SIAH1: variants seen among roughly 807,000 people sequenced by gnomAD.
SIAH1 encodes the protein siah E3 ubiquitin protein ligase 1.
In SIAH1, 2 loss-of-function variants were observed where a neutral mutation model predicts 20.0. That is an observed-to-expected ratio of 0.10 (90% CI 0.04 to 0.31). SIAH1 has a LOEUF of 0.31. Ranked by LOEUF, SIAH1 falls within the 10% of genes least tolerant of loss-of-function variation. The probability of loss-of-function intolerance (pLI) is 1.00; values close to 1 mark genes in which losing one functional copy is unlikely to be tolerated. For synonymous variants in SIAH1, 118 were observed against 125.3 expected, an observed-to-expected ratio of 0.94 and a Z score of 0.39; for missense variants, 119 against 355.3, an observed-to-expected ratio of 0.33 and a Z score of 5.35.
At chr16:48,383,882 T>C (rs1170198616) in intron 1 of SIAH1, among the ~76,000 whole-genome samples, 1 of 152,216 alleles carries the variant, frequency 6.6e-6, no homozygotes, top group Non-Finnish European at 1.5e-5. Flanking sequence ...ACCTCGTAAG[T>C]TTAGCTATTA....
chr16:48,386,001 G>C (rs1961455126), upstream of SIAH1, among the ~76,000 whole-genome samples: 1 of 152,204 alleles, frequency 6.6e-6, no homozygotes. Flanking sequence ...AGCTTCAAAA[G>C]CTTGTTTCAG....
At chr16:48,365,880 G>A (rs1442400863) in intron 1 of SIAH1, 6 of 1,239,864 alleles carry the variant, frequency 4.8e-6, no homozygotes, top group Non-Finnish European at 1.0e-6. Flanking sequence ...CAGCTCAAGA[G>A]TTACTGCAGG....
intron 1 of SIAH1, among the ~76,000 whole-genome samples, chr16:48,368,511 C>T (rs982466267): frequency 2.2e-4 from 34 of 152,196 alleles, no homozygotes; most frequent in African/African-American, 8.0e-4. Flanking sequence ...TCCTGGCCAA[C>T]ATGGTGATAC....
intron 1 of SIAH1, among the ~76,000 whole-genome samples, chr16:48,379,127 A>G (rs552753669): frequency 2.2e-4 from 34 of 152,320 alleles, no homozygotes; most frequent in African/African-American, 7.9e-4. Context: ...TTAAAGTCAC[A>G]AACACAACTA....
intron 1 of SIAH1, chr16:48,365,219 G>C (rs777015739): frequency 1.3e-5 from 9 of 685,384 alleles, no homozygotes; most frequent in Non-Finnish European, 1.9e-5. Flanking sequence ...GACGTAACCT[G>C]AAGTTTGATT....
chr16:48,383,658 T>TA lies in SIAH1; in HGVS notation c.-3+1545dup, dbSNP rs535824667. 1.3e-4 allele frequency among the ~76,000 whole-genome samples: 20 copies of TA among 152,376 alleles called. No individual in the cohort carries two copies. The East Asian group carries it at 3.7e-3, about 28-fold the overall frequency. On this transcript the variant is annotated intron_variant, in intron 1 of 1. Coordinates refer to ENST00000394725, the MANE Select transcript of SIAH1 (RefSeq NM_003031.4). ...TCATTTTAATCAATTTGATTTTTTT[T>TA]AATCACAAAGATATAGCCATTCAAA...
Position 48,361,336 on chromosome 16 carries a change from A to G in SIAH1, c.*244T>C. Reference sequence around the variant, plus strand: ...TTACAATGCTTCCTTTCTTAATACAAAAGATGCCCATCTTGGGTGTATATA... The same window carrying G: ...TTACAATGCTTCCTTTCTTAATACAGAAGATGCCCATCTTGGGTGTATATA... On this transcript the variant is annotated 3_prime_UTR_variant, in exon 2 of 2. Coordinates refer to ENST00000394725, the MANE Select transcript of SIAH1 (RefSeq NM_003031.4). 2 of 416,246 alleles carry G rather than the reference A, an allele frequency of 4.8e-6. No homozygotes were observed. The highest frequency in any genetic ancestry group is 8.7e-6 in the Non-Finnish European group (2 of 229,956). The allele number at this position is 416,246 out of a possible 1,614,324, so 25.8% of individuals were successfully genotyped here. A position where few individuals can be genotyped will look rare whatever the true frequency, so the allele number is the denominator to read the frequency against.
In SIAH1 at chr16:48,361,552, A is replaced by G. The variant is rs1414084287; in HGVS notation, c.*28T>C. 1.9e-6 allele frequency: 3 copies of G among 1,605,040 alleles called. No individual in the cohort carries two copies. The African/African-American group carries it at 4.0e-5, about 21-fold the overall frequency. ...TTTCTGTGAAACTGAAGTTTTAAAC[A>G]CTGGCCAGAAAATGTTTGATTGCCA... is the stretch of plus-strand genomic sequence containing the variant. On this transcript the variant is annotated 3_prime_UTR_variant, in exon 2 of 2. Transcript: ENST00000394725.
At chr16:48,365,861 T>C in intron 1 of SIAH1, 1 of 1,248,604 alleles carries the variant, frequency 8.0e-7, no homozygotes, top group Non-Finnish European at 1.0e-6. Flanking sequence ...GGAAGTGCGC[T>C]CCCTGAGCCA....
chr16:48,368,742 CA>C (rs893692627), intron 1 of SIAH1, among the ~76,000 whole-genome samples: 11 of 142,352 alleles, frequency 7.7e-5, no homozygotes, highest in Non-Finnish European at 1.2e-4. Flanking sequence ...GATTCCATCT[CA>C]AAAAAAAAAG....
At chr16:48,363,091 T>C (rs1960667943) in intron 1 of SIAH1, 1 of 167,124 alleles carries the variant, frequency 6.0e-6, no homozygotes, top group African/African-American at 2.4e-5. Flanking sequence ...CCATTTTCTA[T>C]CAGGGACTTG....
chr16:48,366,383 T>C (rs1960842325), intron 1 of SIAH1, among the ~76,000 whole-genome samples: 1 of 152,196 alleles, frequency 6.6e-6, no homozygotes, highest in Admixed American at 6.5e-5. Context: ...TCCTCAATTC[T>C]AGCTCACTTC....
intron 1 of SIAH1, among the ~76,000 whole-genome samples, chr16:48,374,497 T>C (rs1445898487): frequency 6.6e-6 from 1 of 152,232 alleles, no homozygotes; most frequent in Non-Finnish European, 1.5e-5. Flanking sequence ...AGGAAGCTCC[T>C]GGAAGATAAG....
At chr16:48,384,719 C>T (rs1961396430) in intron 1 of SIAH1, among the ~76,000 whole-genome samples, 1 of 148,070 alleles carries the variant, frequency 6.8e-6, no homozygotes, top group African/African-American at 2.5e-5. Context: ...CTCCGGGCGC[C>T]GCGGGGAGGA....
intron 1 of SIAH1, among the ~76,000 whole-genome samples, chr16:48,382,173 T>C (rs1961313594): frequency 6.6e-6 from 1 of 152,084 alleles, no homozygotes; most frequent in Non-Finnish European, 1.5e-5. Flanking sequence ...GCCCAGGAGT[T>C]TGTGACCAGC....
intron 1 of SIAH1, among the ~76,000 whole-genome samples, chr16:48,384,411 G>A (rs967746687): frequency 5.9e-5 from 9 of 152,100 alleles, no homozygotes; most frequent in Admixed American, 2.6e-4. Flanking sequence ...AGTGGCCCAG[G>A]TTATTCACTT....
Position 48,372,173 on chromosome 16 carries a change from G to C in SIAH1, c.-2-9743C>G, listed in dbSNP as rs534200828. The stretch of plus-strand genomic sequence containing the variant: ...TTAGTGAGTCTGATATATTTTGATT[G>C]ATGGCTCTTTACTAGTAAAATAGAA... On this transcript the variant is annotated intron_variant, in intron 1 of 1. Coordinates refer to ENST00000394725, the MANE Select transcript of SIAH1 (RefSeq NM_003031.4). 7.9e-5 allele frequency among the ~76,000 whole-genome samples: 12 copies of C among 152,256 alleles called. No individual in the cohort carries two copies. In the South Asian group the frequency reaches 2.5e-3, roughly 32 times the overall value.
Position 48,365,442 on chromosome 16 carries a change from G to A in SIAH1, c.-2-3012C>T, listed in dbSNP as rs759279175. The A allele has an allele frequency of 2.5e-6, 4 of 1,613,928 alleles. No individual in the cohort carries two copies. The South Asian group carries it at 3.3e-5, about 13-fold the overall frequency. ...AACATGTGAACAAGACTCCCCTCCA[G>A]GAGTACAGAGAAGGTGGAGTAGCCT... On this transcript the variant is annotated intron_variant, in intron 1 of 1. Coordinates refer to ENST00000394725, the MANE Select transcript of SIAH1 (RefSeq NM_003031.4).
chr16:48,369,807 G>T (rs1023550884), intron 1 of SIAH1, among the ~76,000 whole-genome samples: 10 of 152,288 alleles, frequency 6.6e-5, no homozygotes, highest in African/African-American at 2.2e-4. Flanking sequence ...TTTCCCACTA[G>T]GCACAATAAA....
Sources: gnomAD v4.1 joint callset for allele counts (sites outside exome capture counted in the v4.1 genomes callset) on GRCh38, gnomAD v4.1.1 for gene constraint, MANE v1.5 for transcripts, NCBI Gene and HGNC (gene_info 2026-07-23, HGNC 2026-07-21) for gene names.